NAV3: variants seen among roughly 807,000 people sequenced by gnomAD.
The protein encoded by NAV3 is neuron navigator 3, also known as pore membrane and/or filament interacting like protein 1.
In NAV3, 87 loss-of-function variants were observed where a neutral mutation model predicts 244.7. The ratio of observed to expected loss-of-function variants is 0.36; its 90% CI spans 0.30 to 0.42. NAV3 has a LOEUF of 0.42. Among genes scored for constraint, NAV3 ranks in the 20% least tolerant of loss-of-function variants. The pLI is 1.00. For missense variants in NAV3, 2,663 were observed against 2,893.3 expected, an observed-to-expected ratio of 0.92 and a Z score of 1.83; for synonymous variants, 1,126 against 1,042.2, an observed-to-expected ratio of 1.08 and a Z score of -1.55.
At chr12:77,880,974 T>C (rs1882565127) in intron 1 of NAV3, among the ~76,000 whole-genome samples, 2 of 152,260 alleles carry the variant, frequency 1.3e-5, no homozygotes, top group Admixed American at 6.5e-5. Context: ...TATTTTTGAA[T>C]TGAGGTCTTG....
At chr12:78,198,219 A>G (rs1216808400) in intron 35 of NAV3, among the ~76,000 whole-genome samples, 2 of 152,086 alleles carry the variant, frequency 1.3e-5, no homozygotes, top group East Asian at 3.9e-4. Flanking sequence ...TTTTCTCACA[A>G]TATTAATATT....
At chr12:78,142,694 C>CCA (rs1956675013) in intron 20 of NAV3, among the ~76,000 whole-genome samples, 1 of 70,102 alleles carries the variant, frequency 1.4e-5, no homozygotes, top group Non-Finnish European at 3.0e-5. Context: ...TATATATATA[C>CCA]ATATGTATGT....
chr12:77,900,635 G>T (rs1885177532), intron 1 of NAV3, among the ~76,000 whole-genome samples: 1 of 152,008 alleles, frequency 6.6e-6, no homozygotes, highest in African/African-American at 2.4e-5. Context: ...CTTCTAAGTT[G>T]ATTCCATGTC....
intron 2 of NAV3, among the ~76,000 whole-genome samples, chr12:77,738,597 T>C (rs1868269409): frequency 6.6e-6 from 1 of 152,262 alleles, no homozygotes; most frequent in African/African-American, 2.4e-5. Flanking sequence ...ATTTGAATGA[T>C]GATTACACAG....
rs1376075236 is a variant in NAV3 at position 78,128,764 on chromosome 12, C to T, written c.4339C>T (p.His1447Tyr). Residue 1447 changes from histidine to tyrosine, a missense_variant, in exon 18 of 40, where the codon CAT (histidine) becomes TAT (tyrosine). By Grantham distance (83) the His-to-Tyr change is moderately conservative. Around this residue, in one of 6 missense-constraint regions of NAV3, gnomAD observed 354 missense variants for 413.0 expected, o/e 0.86. Coordinates refer to ENST00000397909, the MANE Select transcript of NAV3 (RefSeq NM_001024383.2). Reference sequence around the variant, plus strand: ...AGAGGGCAAAGAGTGGTTGCGTTCTCATTCTACTGGAGGGCTTCAGGACAC... The same window carrying T: ...AGAGGGCAAAGAGTGGTTGCGTTCTTATTCTACTGGAGGGCTTCAGGACAC... ...QEEGKEWLRS[H>Y]STGGLQDTGN... 2 of 1,613,980 alleles carry T rather than the reference C, an allele frequency of 1.2e-6. No individual in the cohort carries two copies. Among genetic ancestry groups the T allele is most frequent in the Non-Finnish European group, 8.5e-7 (1 of 1,179,990 alleles).
intron 1 of NAV3, among the ~76,000 whole-genome samples, chr12:77,855,908 T>C (rs1319477766): frequency 6.6e-6 from 1 of 152,184 alleles, no homozygotes; most frequent in African/African-American, 2.4e-5. Context: ...AGCTAAAAAG[T>C]CATTGTTGTT....
At chr12:77,872,880 A>C (rs1482617685) in intron 1 of NAV3, among the ~76,000 whole-genome samples, 1 of 152,172 alleles carries the variant, frequency 6.6e-6, no homozygotes, top group African/African-American at 2.4e-5. Context: ...AAAAGTTTTT[A>C]CAAACCTTTA....
At chr12:77,780,802 C>A (rs1472954070) in intron 2 of NAV3, among the ~76,000 whole-genome samples, 3 of 152,110 alleles carry the variant, frequency 2.0e-5, no homozygotes, top group Non-Finnish European at 4.4e-5. Flanking sequence ...TAAGTAAGTT[C>A]TCTAAGAAAA....
At chr12:77,835,560 T>C (rs1874484811) in intron 1 of NAV3, among the ~76,000 whole-genome samples, 1 of 152,212 alleles carries the variant, frequency 6.6e-6, no homozygotes, top group African/African-American at 2.4e-5. Flanking sequence ...TAATATCTGG[T>C]AAAGTACATC....
At chr12:78,104,607 G>A (rs1954708301) in intron 12 of NAV3, among the ~76,000 whole-genome samples, 2 of 152,074 alleles carry the variant, frequency 1.3e-5, no homozygotes, top group African/African-American at 4.8e-5. Flanking sequence ...TTTCTTCTTG[G>A]AATCATTAAT....
intron 12 of NAV3, among the ~76,000 whole-genome samples, chr12:78,061,247 C>T (rs1884281875): frequency 6.6e-6 from 1 of 152,050 alleles, no homozygotes; most frequent in Non-Finnish European, 1.5e-5. Flanking sequence ...CAAATAGATG[C>T]CAGGCCTATA....
chr12:78,151,204 T>C (rs1054080884), intron 22 of NAV3, among the ~76,000 whole-genome samples: 1 of 152,106 alleles, frequency 6.6e-6, no homozygotes, highest in African/African-American at 2.4e-5. Context: ...CAGCTGTATG[T>C]GTTATCATTA....
intron 38 of NAV3, among the ~76,000 whole-genome samples, chr12:78,203,207 T>G (rs976683554): frequency 1.3e-5 from 2 of 152,088 alleles, no homozygotes; most frequent in African/African-American, 2.4e-5. Context: ...GGAAATATAG[T>G]GTTTGGCCCA....
At chr12:77,877,103 T>C (rs1881951018) in intron 1 of NAV3, among the ~76,000 whole-genome samples, 1 of 152,106 alleles carries the variant, frequency 6.6e-6, no homozygotes, top group African/African-American at 2.4e-5. Context: ...TTACTTATTG[T>C]AAAAATCTTG....
At chr12:77,852,398 A>G (rs2136256721) in intron 1 of NAV3, among the ~76,000 whole-genome samples, 1 of 152,106 alleles carries the variant, frequency 6.6e-6, no homozygotes, top group African/African-American at 2.4e-5. Context: ...AACCGAGCGT[A>G]GTGGCACATG....
Position 77,617,583 on chromosome 12 carries a change from G to A in NAV3, c.72+45317G>A, listed in dbSNP as rs1871190423. On this transcript the variant is annotated intron_variant, in intron 2 of 8. Coordinates refer to the NAV3 transcript ENST00000550042. ...AGACAGCAGGGTTTGCAGCAGAGAA[G>A]CAGTCTAATGATTTCAGGGCGGCCA... Among the ~76,000 whole-genome samples, 4 of 152,204 alleles carry A rather than the reference G, an allele frequency of 2.6e-5. No homozygotes were observed. In the South Asian group the frequency reaches 8.3e-4, roughly 31 times the overall value.
At chr12:77,647,327 C>T (rs17044020) in intron 2 of NAV3, among the ~76,000 whole-genome samples, 2,554 of 152,184 alleles carry the variant, frequency 0.017, 77 homozygotes, top group African/African-American at 0.058. Flanking sequence ...AGACTTTAAA[C>T]GCCTTAGCTG....
intron 2 of NAV3, among the ~76,000 whole-genome samples, chr12:77,671,515 A>T (rs1474129693): frequency 6.6e-6 from 1 of 152,174 alleles, no homozygotes; most frequent in Non-Finnish European, 1.5e-5. Context: ...TTCAAACTAT[A>T]CTATAATGCC....
chr12:78,203,980 C>T (rs576761617), intron 38 of NAV3, among the ~76,000 whole-genome samples: 10 of 152,084 alleles, frequency 6.6e-5, no homozygotes, highest in African/African-American at 2.4e-4. Context: ...AGTACTTTAA[C>T]CAGGCTATAT....
Sources: allele counts gnomAD v4.1 joint callset (sites outside exome capture counted in the v4.1 genomes callset), GRCh38; gene constraint gnomAD v4.1.1; regional missense constraint gnomAD v4.1.1; transcripts MANE v1.5; gene names NCBI Gene and HGNC (gene_info 2026-07-23, HGNC 2026-07-21).